The following VPS13A variants were observed in gnomAD, a reference collection of about 807,000 sequenced individuals.
VPS13A encodes intermembrane lipid transfer protein VPS13A.
Under a neutral mutation model 390.9 loss-of-function variants are expected in VPS13A, and 264 were observed. The observed-to-expected ratio is 0.68, with a 90% CI of 0.61 to 0.75. VPS13A has a LOEUF of 0.75. Ranked by LOEUF, VPS13A falls within the 30% of genes least tolerant of loss-of-function variation. The pLI, the probability that VPS13A is intolerant of heterozygous loss-of-function variation, is 0.00. For synonymous variants in VPS13A, 1,231 were observed against 1,227.1 expected, an observed-to-expected ratio of 1.00 and a Z score of -0.07; for missense variants, 3,409 against 3,733.9, an observed-to-expected ratio of 0.91 and a Z score of 2.27.
chr9:77,278,530 C>T (rs1826828963), intron 26 of VPS13A, among the ~76,000 whole-genome samples: 1 of 152,066 alleles, frequency 6.6e-6, no homozygotes, highest in Non-Finnish European at 1.5e-5. Context: ...ATAGCAGTTT[C>T]TTGCACAAAG....
rs1337051113 is a variant in VPS13A, at chr9:77,403,273, T to G, written c.9227T>G (p.Phe3076Cys). The change falls in exon 69 of 72, where the codon TTT becomes TGT. Residue 3076 changes from phenylalanine to cysteine, a missense_variant. Around this residue, in one of 5 missense-constraint regions of VPS13A, gnomAD observed 318 missense variants for 333.7 expected, o/e 0.95. Coordinates refer to ENST00000360280, the MANE Select transcript of VPS13A (RefSeq NM_033305.3). The part of the protein sequence containing the change: ...ENGRFAKYKY[F>C]THVMINKTDM... ...GGAAGATTTGCAAAATACAAATATT[T>G]TACCCATGTCATGATCAATAAGACA... is the stretch of plus-strand genomic sequence containing the variant. 3 of 1,612,530 alleles carry G rather than the reference T, an allele frequency of 1.9e-6. No homozygotes were observed. The highest frequency in any genetic ancestry group is 2.5e-6 in the Non-Finnish European group (3 of 1,179,690).
intron 71 of VPS13A, 82 bp from the exon 72 acceptor site, chr9:77,415,874 C>G: frequency 6.5e-7 from 1 of 1,535,002 alleles, no homozygotes; most frequent in Non-Finnish European, 9.0e-7. Context: ...ATAAAGCTAA[C>G]TTCTAGATCT....
chr9:77,321,725 A>G lies in VPS13A; in HGVS notation c.5809A>G (p.Lys1937Glu). 6.2e-7 allele frequency: 1 copy of G among 1,613,268 alleles called. No individual in the cohort carries two copies. Among genetic ancestry groups the G allele is most frequent in the Admixed American group, 1.7e-5 (1 of 59,954 alleles). Reference protein sequence around the residue: ...HFNAMTSLSSKLFFILLTPVN... With the variant: ...HFNAMTSLSSELFFILLTPVN... ...CAATGCAATGACCAGCCTAAGCAGCAAACTCTTCTTCATTCTTCTTAGTAA... is the reference window on the plus strand; with the variant it reads ...CAATGCAATGACCAGCCTAAGCAGCGAACTCTTCTTCATTCTTCTTAGTAA... Residue 1937 changes from lysine to glutamate, a missense_variant, in exon 44 of 72, where the codon AAA (lysine) becomes GAA (glutamate). Physicochemically the swap from Lys to Glu is moderately conservative, Grantham distance 56. Around this residue, in one of 5 missense-constraint regions of VPS13A, gnomAD observed 2,717 missense variants for 2,917.4 expected, o/e 0.93. Coordinates refer to ENST00000360280, the MANE Select transcript of VPS13A (RefSeq NM_033305.3).
At chr9:77,236,850 C>G (rs1446365947) in intron 17 of VPS13A, among the ~76,000 whole-genome samples, 2 of 152,120 alleles carry the variant, frequency 1.3e-5, no homozygotes, top group East Asian at 1.9e-4. Context: ...GGGAAATGAT[C>G]ATAGCTCAGA....
intron 1 of VPS13A, among the ~76,000 whole-genome samples, chr9:77,194,551 G>C (rs1824876490): frequency 1.3e-5 from 2 of 152,164 alleles, no homozygotes; most frequent in South Asian, 4.1e-4. Flanking sequence ...GCAGACTGGA[G>C]TCCTGTTTCT....
At chr9:77,353,297 A>G (rs936349275) in intron 53 of VPS13A, 112 bp from the exon 54 acceptor site, 1 of 757,372 alleles carries the variant, frequency 1.3e-6, no homozygotes, top group Non-Finnish European at 2.2e-6. Context: ...AACCCCATGA[A>G]GTAGGTGCCA....
intron 1 of VPS13A, among the ~76,000 whole-genome samples, chr9:77,194,363 G>GT (rs960264128): frequency 1.3e-4 from 19 of 151,456 alleles, no homozygotes; most frequent in Admixed American, 7.9e-4. Context: ...ATGGGGGTTG[G>GT]GGGGGGCGCT....
intron 68 of VPS13A, among the ~76,000 whole-genome samples, chr9:77,386,584 T>C (rs914284175): frequency 6.6e-6 from 1 of 152,190 alleles, no homozygotes; most frequent in Admixed American, 6.5e-5. Flanking sequence ...TATTTAAAAT[T>C]TCTTCAGTAA....
chr9:77,410,888 A>C (rs947804653), intron 71 of VPS13A, among the ~76,000 whole-genome samples: 8 of 152,096 alleles, frequency 5.3e-5, no homozygotes, highest in African/African-American at 1.9e-4. Flanking sequence ...CAACGAGACA[A>C]AGTTAACAAG....
chr9:77,410,175 A>G (rs1564000187), intron 71 of VPS13A, among the ~76,000 whole-genome samples: 1 of 152,308 alleles, frequency 6.6e-6, no homozygotes, highest in East Asian at 1.9e-4. Flanking sequence ...TCAACCCAGA[A>G]TTTCATATCC....
intron 53 of VPS13A, 148 bp from the exon 54 acceptor site, chr9:77,353,261 A>C: frequency 1.6e-6 from 1 of 630,716 alleles, no homozygotes; most frequent in Non-Finnish European, 2.8e-6. Context: ...AGTATTCTAC[A>C]AATATTAATT....
intron 67 of VPS13A, among the ~76,000 whole-genome samples, chr9:77,379,486 C>T (rs753249802): frequency 2.0e-5 from 3 of 151,980 alleles, no homozygotes; most frequent in Non-Finnish European, 2.9e-5. Context: ...GTGATCTGCC[C>T]GCCTTGGCCT....
chr9:77,180,795 A>G (rs1417196152), intron 1 of VPS13A, among the ~76,000 whole-genome samples: 1 of 152,186 alleles, frequency 6.6e-6, no homozygotes, highest in Non-Finnish European at 1.5e-5. Context: ...CATTTCACCA[A>G]TACTACACTG....
At chr9:77,323,669 A>G (rs1391614403) in intron 45 of VPS13A, among the ~76,000 whole-genome samples, 1 of 152,170 alleles carries the variant, frequency 6.6e-6, no homozygotes, top group African/African-American at 2.4e-5. Flanking sequence ...AGTCACGGTA[A>G]TGAACATATT....
chr9:77,220,511 T>C (rs1180267067), intron 12 of VPS13A, 128 bp downstream of exon 12: 4 of 677,114 alleles, frequency 5.9e-6, no homozygotes, highest in Non-Finnish European at 9.9e-6. Context: ...AATTGATTTA[T>C]AGCTAGAAAT....
intron 4 of VPS13A, 40 bp downstream of exon 4, chr9:77,205,448 T>A: frequency 1.0e-6 from 1 of 972,336 alleles, no homozygotes; most frequent in Non-Finnish European, 1.4e-6. Flanking sequence ...AAGTTATTCT[T>A]TTTTATGGAT....
At chr9:77,204,917 C>G (rs1291630747) in intron 3 of VPS13A, among the ~76,000 whole-genome samples, 1 of 152,158 alleles carries the variant, frequency 6.6e-6, no homozygotes, top group Non-Finnish European at 1.5e-5. Flanking sequence ...GTGTTAGCCA[C>G]TGCGCCTGGC....
chr9:77,358,866 C>G (rs1393228329), intron 57 of VPS13A, among the ~76,000 whole-genome samples: 2 of 152,046 alleles, frequency 1.3e-5, no homozygotes, highest in African/African-American at 4.8e-5. Flanking sequence ...CTGCATATCC[C>G]TCTTCCCCCT....
chr9:77,408,410 G>C (rs997748245), intron 71 of VPS13A, among the ~76,000 whole-genome samples: 1 of 152,218 alleles, frequency 6.6e-6, no homozygotes, highest in Non-Finnish European at 1.5e-5. Flanking sequence ...TGAGGTACTG[G>C]GTTCATGTCA....
Sources: allele counts gnomAD v4.1 joint callset (sites outside exome capture counted in the v4.1 genomes callset), GRCh38; gene constraint gnomAD v4.1.1; regional missense constraint gnomAD v4.1.1; transcripts MANE v1.5; gene names NCBI Gene and HGNC (gene_info 2026-07-23, HGNC 2026-07-21).